The following PTPN7 variants were observed in gnomAD, a reference collection of about 807,000 sequenced individuals.
PTPN7 encodes tyrosine-protein phosphatase non-receptor type 7.
Under a neutral mutation model 50.3 loss-of-function variants are expected in PTPN7, and 33 were observed. That is an observed-to-expected ratio of 0.66 (90% CI 0.50 to 0.88). The LOEUF (loss-of-function observed/expected upper bound fraction) is 0.88, where lower values mean the gene tolerates loss of function less well. Ranked by LOEUF, PTPN7 falls within the 40% of genes least tolerant of loss-of-function variation. The probability of loss-of-function intolerance (pLI) is 0.00; values close to 1 mark genes in which losing one functional copy is unlikely to be tolerated. For missense variants in PTPN7, 412 were observed against 475.4 expected (o/e 0.87, Z 1.24); for synonymous variants, 185 against 186.6 (o/e 0.99, Z 0.07).
At chr1:202,151,856 G>C (rs778540643) in intron 8 of PTPN7, among the ~76,000 whole-genome samples, 6 of 152,086 alleles carry the variant, frequency 3.9e-5, no homozygotes, top group Non-Finnish European at 7.3e-5. Flanking sequence ...AAACTGTCTG[G>C]GAAGAAACCA....
chr1:202,149,634 T>TA (rs1655700971), intron 9 of PTPN7, among the ~76,000 whole-genome samples: 1 of 150,926 alleles, frequency 6.6e-6, no homozygotes, highest in Non-Finnish European at 1.5e-5. Context: ...TCTCTATTAT[T>TA]AAAAAAAGAA....
Position 202,159,573 on chromosome 1 carries a change from G to A in PTPN7, c.-52-119C>T. The A allele has an allele frequency of 6.7e-7, 1 of 1,494,572 alleles. No homozygotes were observed. Among genetic ancestry groups the A allele is most frequent in the Non-Finnish European group, 8.9e-7 (1 of 1,125,792 alleles). The allele number at this position is 1,494,572 out of a possible 1,614,324, so 92.6% of individuals were successfully genotyped here. A position where few individuals can be genotyped will look rare whatever the true frequency, so the allele number is the denominator to read the frequency against. On this transcript the variant is annotated intron_variant, in intron 1 of 9. Coordinates refer to ENST00000691036, the MANE Select transcript of PTPN7 (RefSeq NM_002832.4). The surrounding 1 kb of genome is among the most constrained non-coding windows in gnomAD (Gnocchi z 4.6). The stretch of plus-strand genomic sequence containing the variant: ...CTGGGGCGTCTTCTGTTCCCCAAGA[G>A]GTGGCCTCATTTTCACTAAGGGAAG...
chr1:202,160,609 G>C (rs1657273431), upstream of PTPN7: 1 of 1,550,410 alleles, frequency 6.4e-7, no homozygotes, highest in African/African-American at 1.4e-5. This position sits in a 1 kb window ranked among gnomAD's most constrained non-coding sequence, Gnocchi z 4.8. Flanking sequence ...GTCTGTCTTT[G>C]AGGGCTGAGA....
At chr1:202,155,752 AGTTGTTGTTTTT>A (rs1337332234) in intron 4 of PTPN7, 143 bp from the exon 5 acceptor site, 1 of 677,344 alleles carries the variant, frequency 1.5e-6, no homozygotes, top group African/African-American at 1.8e-5. Flanking sequence ...CACCCACTGA[AGTTGTTGTTTTT>A]GTTGTTGTTT....
At position 202,159,778 on chromosome 1, in the gene PTPN7, G is replaced by A. The variant is rs1038698540; in HGVS notation, c.-52-324C>T. ...TCTGAGCAGGTCCAAGTGGGAGAAG[G>A]CAAGGGAGGAAACAGAAAATATGTG... On this transcript the variant is annotated intron_variant, in intron 1 of 9. Coordinates refer to ENST00000691036, the MANE Select transcript of PTPN7 (RefSeq NM_002832.4). The surrounding 1 kb of genome is among the most constrained non-coding windows in gnomAD (Gnocchi z 4.6). 3 of 1,238,374 alleles carry A rather than the reference G, an allele frequency of 2.4e-6. No individual in the cohort carries two copies. Among genetic ancestry groups the A allele is most frequent in the South Asian group, 6.8e-5 (2 of 29,556 alleles). 76.7% of individuals were successfully genotyped at this position (1,238,374 alleles called of 1,614,324 possible).
chr1:202,154,929 A>C (rs907646048), intron 5 of PTPN7, among the ~76,000 whole-genome samples: 1 of 152,186 alleles, frequency 6.6e-6, no homozygotes, highest in Non-Finnish European at 1.5e-5. Context: ...ATGTAAGATC[A>C]TGTTTCCCCA....
intron 7 of PTPN7, among the ~76,000 whole-genome samples, 189 bp downstream of exon 7, chr1:202,153,536 G>A (rs566148875): frequency 6.6e-6 from 1 of 152,292 alleles, no homozygotes; most frequent in Admixed American, 6.5e-5. Flanking sequence ...GTCCTATTTG[G>A]CTTATTGGCT....
Position 202,160,599 on chromosome 1 carries a change from G to T in PTPN7, c.-107C>A, listed in dbSNP as rs902575673. 2.6e-6 allele frequency: 4 copies of T among 1,550,512 alleles called. No individual in the cohort carries two copies. Among genetic ancestry groups the T allele is most frequent in the Non-Finnish European group, 3.5e-6 (4 of 1,146,916 alleles). On this transcript the variant is annotated 5_prime_UTR_variant, in exon 1 of 10. Coordinates refer to ENST00000691036, the MANE Select transcript of PTPN7 (RefSeq NM_002832.4). The surrounding 1 kb of genome is among the most constrained non-coding windows in gnomAD (Gnocchi z 4.8). ...TTGCCAGCTGTCTGTCTGTCTGTCG[G>T]TCTGTCTTTGAGGGCTGAGAAGGCT...
In PTPN7 at chr1:202,158,155, T is replaced by A. The variant is rs1656899256; in HGVS notation, c.269A>T (p.Gln90Leu). Residue 90 changes from glutamine (Q) to leucine (L), a missense_variant, in exon 3 of 10, where the codon CAG becomes CTG. Physicochemically the swap from Gln to Leu is moderately radical, Grantham distance 113. Transcript: ENST00000691036. ...TTCCAGTTGCTTGGGGCTGGGTGGC[T>A]GGCGCTGAAGGGCCCAGCGGGTAAG... ...HPLTRWALQR[Q>L]PPSPKQLEEE... The A allele has an allele frequency of 6.2e-7, 1 of 1,606,786 alleles. No homozygotes were observed. Among genetic ancestry groups the A allele is most frequent in the Non-Finnish European group, 8.5e-7 (1 of 1,177,368 alleles).
intron 9 of PTPN7, 143 bp downstream of exon 9, chr1:202,150,168 A>T (rs942791983): frequency 4.5e-6 from 3 of 669,740 alleles, no homozygotes. Flanking sequence ...TGTTAGTTGT[A>T]AAATAAACAG....
At position 202,159,780 on chromosome 1, in the gene PTPN7, A is replaced by G; in HGVS notation, c.-52-326T>C. The stretch of plus-strand genomic sequence containing the variant: ...TGAGCAGGTCCAAGTGGGAGAAGGC[A>G]AGGGAGGAAACAGAAAATATGTGTT... On this transcript the variant is annotated intron_variant, in intron 1 of 9. Transcript: ENST00000691036. The surrounding 1 kb of genome is among the most constrained non-coding windows in gnomAD (Gnocchi z 4.6). 1.6e-6 allele frequency: 2 copies of G among 1,232,310 alleles called. No homozygotes were observed. Among genetic ancestry groups the G allele is most frequent in the Non-Finnish European group, 2.0e-6 (2 of 984,776 alleles). The allele number at this position is 1,232,310 out of a possible 1,614,324, so 76.3% of individuals were successfully genotyped here. A position where few individuals can be genotyped will look rare whatever the true frequency, so the allele number is the denominator to read the frequency against.
At chr1:202,161,017 C>G, upstream of PTPN7, 1 of 1,013,278 alleles carries the variant, frequency 9.9e-7, no homozygotes, top group Non-Finnish European at 1.3e-6. Context: ...CAGCCCTCTC[C>G]CTCAAGGCCC....
intron 2 of PTPN7, chr1:202,158,503 G>A: frequency 1.8e-6 from 1 of 545,724 alleles, no homozygotes; most frequent in Non-Finnish European, 3.2e-6. Context: ...TGGGACCACA[G>A]GTACATGCTA....
chr1:202,155,099 GACGTCAATCA>G (rs1656504603), intron 5 of PTPN7, among the ~76,000 whole-genome samples: 1 of 152,224 alleles, frequency 6.6e-6, no homozygotes, highest in African/African-American at 2.4e-5. Flanking sequence ...CCTATAGCTT[GACGTCAATCA>G]ACCATCTTCA....
intron 5 of PTPN7, 61 bp from the exon 6 acceptor site, chr1:202,154,384 T>C: frequency 2.6e-6 from 4 of 1,552,744 alleles, no homozygotes; most frequent in Non-Finnish European, 2.6e-6. Context: ...TCTGGGGAGA[T>C]CCTAGATGCC....
chr1:202,152,278 T>C (rs1656091448), intron 8 of PTPN7, among the ~76,000 whole-genome samples: 1 of 152,196 alleles, frequency 6.6e-6, no homozygotes, highest in Non-Finnish European at 1.5e-5. Context: ...GGAATCCTGT[T>C]TATGTCCTCC....
At chr1:202,157,707 C>G in intron 4 of PTPN7, 32 bp downstream of exon 4, 5 of 1,578,986 alleles carry the variant, frequency 3.2e-6, no homozygotes, top group Non-Finnish European at 4.4e-6. Context: ...GGGACTGTAC[C>G]CGACTCCCTT....
chr1:202,150,377 C>G lies in PTPN7; in HGVS notation c.923G>C (p.Cys308Ser). The G allele has an allele frequency of 6.2e-7, 1 of 1,612,900 alleles. No individual in the cohort carries two copies. The highest frequency in any genetic ancestry group is 8.5e-7 in the Non-Finnish European group (1 of 1,179,470). Reference protein sequence around the residue: ...TGCFIATRIGCQQLKARGEVD... With the variant: ...TGCFIATRIGSQQLKARGEVD... ...TTCTCCTCGGGCTTTCAGCTGTTGACAGCCAATTCGCGTGGCGATGAAGCA... is the reference window on the plus strand; with the variant it reads ...TTCTCCTCGGGCTTTCAGCTGTTGAGAGCCAATTCGCGTGGCGATGAAGCA... The change falls in exon 9 of 10, where the codon TGT becomes TCT. Residue 308 changes from cysteine (C) to serine (S), a missense_variant. By Grantham distance (112) the Cys-to-Ser change is moderately radical (BLOSUM62 -1). Transcript: ENST00000691036.
intron 4 of PTPN7, among the ~76,000 whole-genome samples, chr1:202,156,867 G>A (rs574320736): frequency 4.6e-5 from 7 of 152,236 alleles, no homozygotes; most frequent in Admixed American, 3.3e-4. Flanking sequence ...GCCTGCCTCC[G>A]AAAAATAGAA....
Sources: allele counts gnomAD v4.1 joint callset (sites outside exome capture counted in the v4.1 genomes callset), GRCh38; gene constraint gnomAD v4.1.1; non-coding constraint Gnocchi (gnomAD v3.1); transcripts MANE v1.5; gene names NCBI Gene and HGNC (gene_info 2026-07-23, HGNC 2026-07-21).